The following NSD1 variants were observed in gnomAD, a reference collection of about 807,000 sequenced individuals.
NSD1 encodes the protein nuclear receptor binding SET domain protein 1.
Under a neutral mutation model 242.7 loss-of-function variants are expected in NSD1, and 26 were observed. The observed-to-expected ratio is 0.11, with a 90% CI of 0.08 to 0.15. The LOEUF is 0.15. Ranked by LOEUF, NSD1 falls within the 10% of genes least tolerant of loss-of-function variation. The probability of loss-of-function intolerance (pLI) is 1.00; values close to 1 mark genes in which losing one functional copy is unlikely to be tolerated. For synonymous variants in NSD1, 1,106 were observed against 1,178.1 expected, an observed-to-expected ratio of 0.94 and a Z score of 1.25; for missense variants, 2,495 against 3,272.8, an observed-to-expected ratio of 0.76 and a Z score of 5.80.
In NSD1 at chr5:177,211,748, T is replaced by G. The variant is rs769614565; in HGVS notation, c.3349T>G (p.Ser1117Ala). ...DVHFDSKVKQ[S>A]DPGKISEKGL... is the part of the protein sequence containing the mutation. ...GCATTTCGATAGCAAGGTTAAGCAA[T>G]CTGATCCTGGTAAAATTTCTGAAAA... The change falls in exon 5 of 23, where the codon TCT becomes GCT. Residue 1117 changes from serine (S) to alanine (A), a missense_variant. Around this residue, in one of 19 missense-constraint regions of NSD1, gnomAD observed 426 missense variants for 411.4 expected, o/e 1.04. Transcript: ENST00000439151. The G allele has an allele frequency of 1.2e-6, 2 of 1,614,054 alleles. No individual in the cohort carries two copies. Among genetic ancestry groups the G allele is most frequent in the Non-Finnish European group, 1.7e-6 (2 of 1,180,008 alleles).
chr5:177,265,314 A>C lies in NSD1; in HGVS notation c.5147-2248A>C, dbSNP rs1309569441. 20 of 637,870 alleles carry C rather than the reference A, an allele frequency of 3.1e-5. No individual in the cohort carries two copies. The East Asian group carries it at 5.2e-4, about 16-fold the overall frequency. 39.5% of individuals were successfully genotyped at this position (637,870 alleles called of 1,614,324 possible). On this transcript the variant is annotated intron_variant, in intron 14 of 22. Coordinates refer to ENST00000439151, the MANE Select transcript of NSD1 (RefSeq NM_022455.5). ...GCAAAAGTCAGCATGGGAATAAATT[A>C]TATATAAAGTGCCAACAGAAGTATG... is the stretch of plus-strand genomic sequence containing the variant.
intron 21 of NSD1, among the ~76,000 whole-genome samples, chr5:177,289,979 C>T (rs565011941): frequency 7.2e-5 from 11 of 151,728 alleles, no homozygotes; most frequent in Non-Finnish European, 1.5e-5. Flanking sequence ...AGGCGCCCGC[C>T]ACCATGCCCG....
chr5:177,199,407 G>A (rs1469153016), intron 3 of NSD1, among the ~76,000 whole-genome samples: 1 of 152,048 alleles, frequency 6.6e-6, no homozygotes, highest in Non-Finnish European at 1.5e-5. Flanking sequence ...ACAGGCAAGG[G>A]CCACCATGCC....
rs557731331 is a variant in NSD1 at position 177,209,818 on chromosome 5, T to G, written c.1419T>G (p.Asn473Lys). The G allele has an allele frequency of 1.9e-6, 3 of 1,614,172 alleles. No individual in the cohort carries two copies. The highest frequency in any genetic ancestry group is 2.5e-6 in the Non-Finnish European group (3 of 1,180,030). The change falls in exon 5 of 23, where the codon AAT becomes AAG. Residue 473 changes from asparagine to lysine, a missense_variant. By Grantham distance (94) the Asn-to-Lys change is moderately conservative. This residue lies in a region of NSD1 where 515 missense variants were observed against 467.0 expected (regional missense o/e 1.10). Coordinates refer to ENST00000439151, the MANE Select transcript of NSD1 (RefSeq NM_022455.5). Reference sequence around the variant, plus strand: ...AGTCAGAACATGACCTGTTGCTTAATGGCTGTTTGAAATCACTGGCTTTTG... The same window carrying G: ...AGTCAGAACATGACCTGTTGCTTAAGGGCTGTTTGAAATCACTGGCTTTTG... ...DPESEHDLLLNGCLKSLAFDS... is the reference protein window; with the variant it reads ...DPESEHDLLLKGCLKSLAFDS...
chr5:177,211,313 A>C lies in NSD1; in HGVS notation c.2914A>C (p.Thr972Pro), dbSNP rs761374069. The C allele has an allele frequency of 6.2e-7, 1 of 1,614,112 alleles. No individual in the cohort carries two copies. Among genetic ancestry groups the C allele is most frequent in the Middle Eastern group, 1.6e-4 (1 of 6,062 alleles). ...THNSEKKGDGTQNSANPSPSG... is the reference protein window; with the variant it reads ...THNSEKKGDGPQNSANPSPSG... ...CAATTCAGAGAAAAAGGGAGATGGCACTCAGAACTCCGCCAATCCTAGCCC... is the reference window on the plus strand; with the variant it reads ...CAATTCAGAGAAAAAGGGAGATGGCCCTCAGAACTCCGCCAATCCTAGCCC... The change falls in exon 5 of 23, where the codon ACT becomes CCT. Residue 972 changes from threonine to proline, a missense_variant. Physicochemically the swap from Thr to Pro is conservative, Grantham distance 38. Around this residue, in one of 19 missense-constraint regions of NSD1, gnomAD observed 426 missense variants for 411.4 expected, o/e 1.04. Coordinates refer to ENST00000439151, the MANE Select transcript of NSD1 (RefSeq NM_022455.5).
intron 5 of NSD1, among the ~76,000 whole-genome samples, chr5:177,231,721 G>T (rs1028803758): frequency 4.6e-5 from 7 of 151,746 alleles, no homozygotes; most frequent in Admixed American, 1.3e-4. Flanking sequence ...CGCCCAAACC[G>T]TGACAAGATT....
chr5:177,208,976 G>A (rs143207690), intron 4 of NSD1, among the ~76,000 whole-genome samples: 22 of 152,128 alleles, frequency 1.4e-4, no homozygotes, highest in African/African-American at 5.1e-4. Context: ...GATTACAGGC[G>A]TGAGCCACAC....
At chr5:177,209,583 C>T (rs1373659112) in intron 4 of NSD1, 53 bp from the exon 5 acceptor site, 6 of 1,320,936 alleles carry the variant, frequency 4.5e-6, no homozygotes, top group Non-Finnish European at 6.5e-6. Flanking sequence ...TCTCCCTTTT[C>T]CCCCACCCAT....
chr5:177,194,509 A>G (rs1581261029), intron 3 of NSD1, among the ~76,000 whole-genome samples: 1 of 135,248 alleles, frequency 7.4e-6, no homozygotes. Flanking sequence ...TGAAATCCTG[A>G]GCTTAATAAG....
Position 177,297,514 on chromosome 5 carries a change from G to C in NSD1, c.*2055G>C, listed in dbSNP as rs181780964. ...TAGGTCATATGAGTAGGGTTTGCTTGGTGCCAGTCCTGTGCCCTTTTCTCT... is the reference window on the plus strand; with the variant it reads ...TAGGTCATATGAGTAGGGTTTGCTTCGTGCCAGTCCTGTGCCCTTTTCTCT... On this transcript the variant is annotated 3_prime_UTR_variant, in exon 23 of 23. Coordinates refer to ENST00000439151, the MANE Select transcript of NSD1 (RefSeq NM_022455.5). 4.3e-6 allele frequency: 1 copy of C among 232,154 alleles called. No homozygotes were observed. Among genetic ancestry groups the C allele is most frequent in the Admixed American group, 5.6e-5 (1 of 17,722 alleles). The allele number at this position is 232,154 out of a possible 1,614,324, so 14.4% of individuals were successfully genotyped here.
chr5:177,244,377 A>C, intron 9 of NSD1, 107 bp downstream of exon 9: 2 of 813,436 alleles, frequency 2.5e-6, no homozygotes, highest in East Asian at 2.6e-5. Flanking sequence ...AGTGAGGTAC[A>C]AGTTTTAAAA....
At chr5:177,151,211 A>G (rs1045618714) in intron 2 of NSD1, among the ~76,000 whole-genome samples, 1 of 152,090 alleles carries the variant, frequency 6.6e-6, no homozygotes, top group Non-Finnish European at 1.5e-5. Flanking sequence ...ACCCCTATCT[A>G]CTAAAAATAC....
intron 2 of NSD1, among the ~76,000 whole-genome samples, chr5:177,156,681 C>T (rs765687580): frequency 6.6e-6 from 1 of 152,088 alleles, no homozygotes; most frequent in Non-Finnish European, 1.5e-5. Context: ...ATACTTGATA[C>T]TATTTTACAT....
intron 2 of NSD1, among the ~76,000 whole-genome samples, chr5:177,188,382 A>G (rs1039634280): frequency 2.0e-5 from 3 of 152,146 alleles, no homozygotes; most frequent in Non-Finnish European, 4.4e-5. Flanking sequence ...GAAAGTATTA[A>G]TGTGTATTTA....
chr5:177,144,222 T>G (rs948776611), intron 2 of NSD1, among the ~76,000 whole-genome samples: 2 of 133,798 alleles, frequency 1.5e-5, no homozygotes, highest in African/African-American at 7.9e-5. Context: ...ATTTTTGAGT[T>G]TTTTTTTTTT....
chr5:177,245,686 A>G (rs1766225105), intron 9 of NSD1, among the ~76,000 whole-genome samples: 1 of 142,366 alleles, frequency 7.0e-6, no homozygotes, highest in Non-Finnish European at 1.5e-5. Context: ...CCCAGGCTGG[A>G]GTACAGTGGC....
At chr5:177,253,706 C>G (rs747290329) in intron 12 of NSD1, among the ~76,000 whole-genome samples, 5 of 151,940 alleles carry the variant, frequency 3.3e-5, no homozygotes, top group Non-Finnish European at 7.4e-5. Context: ...GATTCTGGCT[C>G]ACTTCAGCCT....
At chr5:177,158,997 T>TATATATATATATATATATGAA (rs1758456710) in intron 2 of NSD1, among the ~76,000 whole-genome samples, 5 of 63,334 alleles carry the variant, frequency 7.9e-5, no homozygotes, top group African/African-American at 6.3e-4. Context: ...TATGAATGAT[T>TATATATATATATATATATGAA]TTATATATAT....
rs200312645 is a variant in NSD1, at chr5:177,297,659, T to TG, written c.*2208dup. 3.9e-3 allele frequency: 144 copies of TG among 36,850 alleles called. 1 individual carries two copies. The highest frequency in any genetic ancestry group is 6.4e-3 in the African/African-American group (47 of 7,358). 2.3% of individuals were successfully genotyped at this position (36,850 alleles called of 1,614,324 possible). A position where few individuals can be genotyped will look rare whatever the true frequency, so the allele number is the denominator to read the frequency against. Reference sequence around the variant, plus strand: ...TGTTTCATGAAATAAACTGTGAATTTGGGGGGGGCGGGGGGAGGGCGTGCA... The same window carrying TG: ...TGTTTCATGAAATAAACTGTGAATTTGGGGGGGGGCGGGGGGAGGGCGTGCA... On this transcript the variant is annotated 3_prime_UTR_variant, in exon 23 of 23. Transcript: ENST00000439151.
Sources: allele counts gnomAD v4.1 joint callset (sites outside exome capture counted in the v4.1 genomes callset), GRCh38; gene constraint gnomAD v4.1.1; regional missense constraint gnomAD v4.1.1; transcripts MANE v1.5; gene names NCBI Gene and HGNC (gene_info 2026-07-23, HGNC 2026-07-21).